Variants in MGRN1 observed in about 807,000 individuals in gnomAD.
The protein encoded by MGRN1 is mahogunin ring finger 1.
In MGRN1, 29 loss-of-function variants were observed where a neutral mutation model predicts 69.2. The observed-to-expected ratio is 0.42, with a 90% CI of 0.31 to 0.57. MGRN1 has a LOEUF of 0.57. MGRN1 is among the 20% of genes least tolerant of loss of function. The pLI, the probability that MGRN1 is intolerant of heterozygous loss-of-function variation, is 0.15. For synonymous variants in MGRN1, 470 were observed against 344.2 expected, an observed-to-expected ratio of 1.37 and a Z score of -4.04; for missense variants, 998 against 796.2, an observed-to-expected ratio of 1.25 and a Z score of -3.05.
chr16:4,662,438 C>A (rs1179506505), intron 5 of MGRN1, among the ~76,000 whole-genome samples: 2 of 151,888 alleles, frequency 1.3e-5, no homozygotes, highest in East Asian at 3.9e-4. Flanking sequence ...ATTGCTTGAA[C>A]CCAGGGGGTG....
chr16:4,683,939 G>T lies in MGRN1; in HGVS notation c.1618+7G>T. The T allele has an allele frequency of 6.3e-7, 1 of 1,585,790 alleles. No individual in the cohort carries two copies. Reference sequence around the variant, plus strand: ...GCTGACATCTACCTGCCAGGTAAGGGGCTGGGGGTCTGGGGGTGAGGGGCT... The same window carrying T: ...GCTGACATCTACCTGCCAGGTAAGGTGCTGGGGGTCTGGGGGTGAGGGGCT... On this transcript the variant is annotated splice_region_variant and intron_variant, in intron 16 of 16. Transcript: ENST00000262370.
rs775070877 is a variant in MGRN1 at position 4,657,312 on chromosome 16, G to A, written c.510G>A (p.Gln170=). Residue 170 remains glutamine, a synonymous_variant, in exon 5 of 17, where the codon CAG becomes CAA. Transcript: ENST00000262370. ...TVHYKRGVSQ[Q]FSLPSFKIDF... is the part of the protein sequence containing the mutation. The stretch of plus-strand genomic sequence containing the variant: ...ACTACAAGAGAGGGGTGAGCCAGCA[G>A]TTCTCCCTGCCCTCCTTCAAGATTG... 2 of 1,614,072 alleles carry A rather than the reference G, an allele frequency of 1.2e-6. No individual in the cohort carries two copies. The highest frequency in any genetic ancestry group is 1.3e-5 in the African/African-American group (1 of 74,950).
At position 4,624,826 on chromosome 16, in the gene MGRN1, G is replaced by C. The variant is rs1270601246; in HGVS notation, c.-135G>C. The C allele has an allele frequency of 4.9e-6, 3 of 609,102 alleles. No homozygotes were observed. The highest frequency in any genetic ancestry group is 7.9e-5 in the East Asian group (2 of 25,166). 37.7% of individuals were successfully genotyped at this position (609,102 alleles called of 1,614,324 possible). ...TCGGTCCCCGGGCCGAGCCGGGGGTGGGGGCTCGAGGCGCCTCCGCGGCCG... is the reference window on the plus strand; with the variant it reads ...TCGGTCCCCGGGCCGAGCCGGGGGTCGGGGCTCGAGGCGCCTCCGCGGCCG... On this transcript the variant is annotated 5_prime_UTR_variant, in exon 1 of 17. Coordinates refer to ENST00000262370, the MANE Select transcript of MGRN1 (RefSeq NM_015246.4).
chr16:4,651,530 CAG>C (rs892089544), intron 2 of MGRN1, among the ~76,000 whole-genome samples: 4 of 152,052 alleles, frequency 2.6e-5, no homozygotes, highest in Admixed American at 1.3e-4. Context: ...GTGCAGGCCT[CAG>C]GGGACAGGAG....
chr16:4,680,282 G>C (rs927227801), intron 12 of MGRN1, 185 bp downstream of exon 12: 8 of 605,290 alleles, frequency 1.3e-5, no homozygotes, highest in Admixed American at 3.3e-5. Flanking sequence ...CTCGGTCCGT[G>C]GGCGAAACGC....
intron 4 of MGRN1, among the ~76,000 whole-genome samples, chr16:4,654,413 C>A (rs1254411744): frequency 6.6e-6 from 1 of 152,172 alleles, no homozygotes; most frequent in Non-Finnish European, 1.5e-5. Flanking sequence ...AGATAAGGGT[C>A]CTTCTGGCCC....
At chr16:4,684,505 C>T (rs560022424) in intron 16 of MGRN1, among the ~76,000 whole-genome samples, 2 of 152,318 alleles carry the variant, frequency 1.3e-5, no homozygotes, top group East Asian at 3.9e-4. Flanking sequence ...ACAGAGGCCA[C>T]CTGATGCAGC....
rs1199029852 is a variant in MGRN1 at position 4,657,248 on chromosome 16, A to G, written c.446A>G (p.Tyr149Cys). The change falls in exon 5 of 17, where the codon TAC (tyrosine) becomes TGC (cysteine). Residue 149 changes from tyrosine (Y) to cysteine (C), a missense_variant and splice_region_variant. Physicochemically the swap from Tyr to Cys is radical, Grantham distance 194. Coordinates refer to ENST00000262370, the MANE Select transcript of MGRN1 (RefSeq NM_015246.4). ...SEEFLNGRAVYSPKSPSLQSE... is the reference protein window; with the variant it reads ...SEEFLNGRAVCSPKSPSLQSE... ...TGCTTGCTCCTGGCTCCCTGCAGAT[A>G]CAGCCCCAAGAGCCCCTCGCTACAG... The G allele has an allele frequency of 6.2e-7, 1 of 1,613,560 alleles. No individual in the cohort carries two copies. The highest frequency in any genetic ancestry group is 8.5e-7 in the Non-Finnish European group (1 of 1,179,568).
At chr16:4,627,669 G>C (rs1897752914) in intron 1 of MGRN1, among the ~76,000 whole-genome samples, 1 of 151,778 alleles carries the variant, frequency 6.6e-6, no homozygotes. Flanking sequence ...GGCGTCTATA[G>C]TCCCAGCTAC....
intron 4 of MGRN1, among the ~76,000 whole-genome samples, chr16:4,656,004 C>T (rs940329381): frequency 4.6e-5 from 7 of 152,220 alleles, no homozygotes; most frequent in Admixed American, 2.0e-4. Flanking sequence ...CAGGCCTCTT[C>T]TGCCTTTGTG....
intron 1 of MGRN1, among the ~76,000 whole-genome samples, chr16:4,644,607 G>C (rs1008177292): frequency 8.5e-5 from 13 of 152,110 alleles, no homozygotes; most frequent in African/African-American, 3.1e-4. Flanking sequence ...ACTGCACCTG[G>C]GTTCTGTTTT....
intron 1 of MGRN1, among the ~76,000 whole-genome samples, chr16:4,638,679 C>T (rs1255202134): frequency 1.3e-5 from 2 of 152,336 alleles, no homozygotes; most frequent in South Asian, 2.1e-4. Context: ...TTGTGCAGGT[C>T]TGGCCCACCT....
At chr16:4,686,141 G>A in intron 16 of MGRN1, 1 of 1,196,200 alleles carries the variant, frequency 8.4e-7, no homozygotes, top group Non-Finnish European at 1.2e-6. Flanking sequence ...TTGCAGCAGA[G>A]TGTTTGTTTC....
rs771794136 is a variant in MGRN1, at chr16:4,657,311, A to T, written c.509A>T (p.Gln170Leu). 4.3e-5 allele frequency: 70 copies of T among 1,614,064 alleles called. No individual in the cohort carries two copies. Among genetic ancestry groups the T allele is most frequent in the Non-Finnish European group, 5.7e-5 (67 of 1,179,998 alleles). ...TVHYKRGVSQ[Q>L]FSLPSFKIDF... ...CACTACAAGAGAGGGGTGAGCCAGC[A>T]GTTCTCCCTGCCCTCCTTCAAGATT... Residue 170 changes from glutamine (Q) to leucine (L), a missense_variant, in exon 5 of 17, where the codon CAG becomes CTG. Coordinates refer to ENST00000262370, the MANE Select transcript of MGRN1 (RefSeq NM_015246.4).
At chr16:4,658,807 C>G (rs1281106470) in intron 5 of MGRN1, 1 of 152,212 alleles carries the variant, frequency 6.6e-6, no homozygotes, top group Non-Finnish European at 1.5e-5. Context: ...GAGTCTGAGA[C>G]AAGCCTGAGT....
chr16:4,631,718 T>C (rs1898009934), intron 1 of MGRN1, among the ~76,000 whole-genome samples: 1 of 152,212 alleles, frequency 6.6e-6, no homozygotes, highest in African/African-American at 2.4e-5. Flanking sequence ...CTAAGTTCTT[T>C]GCATTTCCAT....
At chr16:4,653,942 G>A (rs143834164) in intron 4 of MGRN1, among the ~76,000 whole-genome samples, 3,822 of 152,210 alleles carry the variant, frequency 0.025, 98 homozygotes, top group African/African-American at 0.066. Context: ...AGTAGAGACG[G>A]GGTTTCATCA....
intron 12 of MGRN1, chr16:4,680,363 T>G (rs938752000): frequency 9.3e-6 from 4 of 432,334 alleles, no homozygotes; most frequent in African/African-American, 4.1e-5. Context: ...GCCGTTTCCC[T>G]TTTTTTTCTT....
At chr16:4,678,369 CGA>C (rs1271780709) in intron 11 of MGRN1, among the ~76,000 whole-genome samples, 2 of 151,828 alleles carry the variant, frequency 1.3e-5, no homozygotes, top group South Asian at 2.1e-4. Context: ...AGAGACAGGG[CGA>C]GAGAGAGGTG....
Sources: allele counts gnomAD v4.1 joint callset (sites outside exome capture counted in the v4.1 genomes callset), GRCh38; gene constraint gnomAD v4.1.1; transcripts MANE v1.5; gene names NCBI Gene and HGNC (gene_info 2026-07-23, HGNC 2026-07-21).